DNAJC9: variants seen among roughly 807,000 people sequenced by gnomAD.
The protein encoded by DNAJC9 is dnaJ homolog subfamily C member 9.
Under a neutral mutation model 32.4 loss-of-function variants are expected in DNAJC9, and 18 were observed. The observed-to-expected ratio is 0.56, with a 90% CI of 0.38 to 0.82. The LOEUF is 0.82. Ranked by LOEUF, DNAJC9 falls within the 40% of genes least tolerant of loss-of-function variation. DNAJC9 has a pLI of 0.00. For missense variants in DNAJC9, 310 were observed against 321.8 expected, an observed-to-expected ratio of 0.96 and a Z score of 0.28; for synonymous variants, 113 against 122.1, an observed-to-expected ratio of 0.93 and a Z score of 0.49.
At chr10:73,234,161 G>A (rs1005715333), downstream of DNAJC9, 1 of 152,124 alleles carries the variant, frequency 6.6e-6, no homozygotes, top group Non-Finnish European at 1.5e-5. Context: ...TTTTCAATGC[G>A]GCTTCCAAGT....
At position 73,232,999 on chromosome 10, in the gene DNAJC9, T is replaced by G. The variant is rs1288265070; in HGVS notation, n.147+10844A>C. 4.5e-6 allele frequency: 7 copies of G among 1,552,046 alleles called. No individual in the cohort carries two copies. The highest frequency in any genetic ancestry group is 6.1e-6 in the Non-Finnish European group (7 of 1,147,026). ...CCAGTACCATCCTTTCAACTCGAAA[T>G]TGGCCAAATCGAGCTGTGGAGTTTA... On this transcript the variant is annotated intron_variant and non_coding_transcript_variant, in intron 2 of 2. Transcript: ENST00000469143.
At position 73,247,221 on chromosome 10, in the gene DNAJC9, G is replaced by A. The variant is rs374154254; in HGVS notation, c.-32C>T. ...CGGAGATACGACCCCGGAGGAAGCA[G>A]CCGCTCCCAGCTGCGCCGGGTACAA... On this transcript the variant is annotated 5_prime_UTR_variant, in exon 1 of 5. Coordinates refer to ENST00000372950, the MANE Select transcript of DNAJC9 (RefSeq NM_015190.5). The A allele has an allele frequency of 1.2e-3, 1,888 of 1,570,164 alleles. 1 individual carries two copies. The highest frequency in any genetic ancestry group is 1.5e-3 in the Non-Finnish European group (1,724 of 1,158,848).
intron 3 of DNAJC9, 138 bp from the exon 4 acceptor site, chr10:73,244,067 A>ATGT (rs1406996367): frequency 1.2e-5 from 8 of 653,786 alleles, no homozygotes; most frequent in Non-Finnish European, 2.1e-5. Context: ...TTACATAACT[A>ATGT]TGTCATTCAT....
At chr10:73,237,191 A>C, downstream of DNAJC9, among the ~76,000 whole-genome samples, 1 of 152,174 alleles carries the variant, frequency 6.6e-6, no homozygotes, top group East Asian at 1.9e-4. Context: ...TTCCAGGTGG[A>C]CATAAATTTT....
At chr10:73,239,667 A>T (rs1463000510), downstream of DNAJC9, among the ~76,000 whole-genome samples, 116 of 148,774 alleles carry the variant, frequency 7.8e-4, no homozygotes, top group Non-Finnish European at 9.2e-4. Flanking sequence ...TTTTTTTTTT[A>T]AATCTAAAAA....
chr10:73,234,779 T>C, downstream of DNAJC9: 1 of 1,548,344 alleles, frequency 6.5e-7, no homozygotes, highest in South Asian at 1.2e-5. Flanking sequence ...TATAACTTCA[T>C]GCTTTCATAC....
rs2043972396 is a variant in DNAJC9 at position 73,243,122 on chromosome 10, G to A, written c.*278C>T. 1 of 389,682 alleles carries A rather than the reference G, an allele frequency of 2.6e-6. No homozygotes were observed. The highest frequency in any genetic ancestry group is 2.7e-5 in the South Asian group (1 of 37,578). The allele number at this position is 389,682 out of a possible 1,614,324, so 24.1% of individuals were successfully genotyped here. On this transcript the variant is annotated 3_prime_UTR_variant, in exon 5 of 5. Coordinates refer to ENST00000372950, the MANE Select transcript of DNAJC9 (RefSeq NM_015190.5). The stretch of plus-strand genomic sequence containing the variant: ...AGAGTTCTGTGTACAGAAGATCCAT[G>A]GAGGCAAGTGCTGTCAGGAAGGACA...
downstream of DNAJC9, among the ~76,000 whole-genome samples, chr10:73,233,793 G>A (rs887249419): frequency 8.5e-5 from 13 of 152,142 alleles, no homozygotes; most frequent in Non-Finnish European, 1.6e-4. Flanking sequence ...AACATTTTCC[G>A]TGCTGGGAAC....
At chr10:73,239,479 G>T (rs1168979646), downstream of DNAJC9, 1 of 864,246 alleles carries the variant, frequency 1.2e-6, no homozygotes, top group Non-Finnish European at 1.8e-6. Context: ...CCTTCTTTCA[G>T]ATTTTCTTGG....
chr10:73,233,497 A>G (rs2043757775), intron 2 of DNAJC9, among the ~76,000 whole-genome samples: 1 of 152,028 alleles, frequency 6.6e-6, no homozygotes, highest in Non-Finnish European at 1.5e-5. Flanking sequence ...TGGTGCCACC[A>G]TGCCAGGTTA....
At chr10:73,240,884 A>T, downstream of DNAJC9, 2 of 998,640 alleles carry the variant, frequency 2.0e-6, no homozygotes, top group Non-Finnish European at 3.1e-6. Context: ...CCTTAGCTAT[A>T]AACTTGAGAG....
downstream of DNAJC9, among the ~76,000 whole-genome samples, chr10:73,238,239 C>G (rs1482450506): frequency 6.6e-6 from 1 of 152,090 alleles, no homozygotes; most frequent in Non-Finnish European, 1.5e-5. Context: ...CCCAGCTACT[C>G]GGGAGGCTAA....
chr10:73,242,433 TG>T lies in DNAJC9; in HGVS notation c.*966del, dbSNP rs1378945958. ...AAAGTTAAAGAATCAGAAAGGGGCC[TG>T]TAAGAAGTCATTTAGCCCAATTCCC... On this transcript the variant is annotated 3_prime_UTR_variant, in exon 5 of 5. Transcript: ENST00000372950. 6.6e-6 allele frequency: 1 copy of T among 152,214 alleles called. No homozygotes were observed. The highest frequency in any genetic ancestry group is 2.4e-5 in the African/African-American group (1 of 41,462). 9.4% of individuals were successfully genotyped at this position (152,214 alleles called of 1,614,324 possible).
At chr10:73,237,765 AC>A (rs1281737144), downstream of DNAJC9, among the ~76,000 whole-genome samples, 2 of 150,846 alleles carry the variant, frequency 1.3e-5, no homozygotes, top group Non-Finnish European at 3.0e-5. Flanking sequence ...TCGCTACATC[AC>A]CCAGGCTGGA....
chr10:73,240,610 A>G (rs1006180488), downstream of DNAJC9, among the ~76,000 whole-genome samples: 8 of 151,886 alleles, frequency 5.3e-5, no homozygotes, highest in East Asian at 5.8e-4. Flanking sequence ...TACTCGGGGG[A>G]CTGAGGCAGG....
downstream of DNAJC9, chr10:73,235,045 A>G (rs1374374336): frequency 7.5e-6 from 11 of 1,474,014 alleles, no homozygotes; most frequent in East Asian, 2.2e-4. Context: ...GTGTTTTGTC[A>G]AAAGTACAAA....
downstream of DNAJC9, chr10:73,240,862 G>A (rs2043934104): frequency 7.6e-6 from 6 of 792,910 alleles, no homozygotes; most frequent in Non-Finnish European, 1.3e-5. Flanking sequence ...TTCATAATTG[G>A]AGCAAAAAAG....
Position 73,247,035 on chromosome 10 carries a change from T to C in DNAJC9, c.155A>G (p.Lys52Arg). The change falls in exon 1 of 5, where the codon AAG (lysine) becomes AGG (arginine). Residue 52 changes from lysine to arginine, a missense_variant. Coordinates refer to ENST00000372950, the MANE Select transcript of DNAJC9 (RefSeq NM_015190.5). ...VHPDRVGEGD[K>R]EDATRRFQIL... is the part of the protein sequence containing the mutation. ...CTGGAAGCGGCGGGTGGCGTCCTCCTTGTCGCCCTCACCCACCCGGTCCGG... is the reference window on the plus strand; with the variant it reads ...CTGGAAGCGGCGGGTGGCGTCCTCCCTGTCGCCCTCACCCACCCGGTCCGG... 1.1e-5 allele frequency: 17 copies of C among 1,536,752 alleles called. No homozygotes were observed. Among genetic ancestry groups the C allele is most frequent in the Non-Finnish European group, 1.5e-5 (17 of 1,139,886 alleles).
downstream of DNAJC9, among the ~76,000 whole-genome samples, chr10:73,235,750 G>A (rs2043806347): frequency 6.6e-6 from 1 of 152,058 alleles, no homozygotes; most frequent in African/African-American, 2.4e-5. Context: ...GCCCAGACTA[G>A]ACCTGGAACT....
Sources: gnomAD v4.1 joint callset for allele counts (sites outside exome capture counted in the v4.1 genomes callset) on GRCh38, gnomAD v4.1.1 for gene constraint, MANE v1.5 for transcripts, NCBI Gene and HGNC (gene_info 2026-07-23, HGNC 2026-07-21) for gene names.